CTNNA3: variants seen among roughly 807,000 people sequenced by gnomAD.
CTNNA3 encodes the protein catenin alpha 3.
A neutral mutation model predicts 95.7 loss-of-function variants in CTNNA3; 76 were observed. That is an observed-to-expected ratio of 0.79 (90% CI 0.66 to 0.96). The LOEUF is 0.96. Ranked by LOEUF, CTNNA3 falls within the 40% of genes least tolerant of loss-of-function variation. The pLI, the probability that CTNNA3 is intolerant of heterozygous loss-of-function variation, is 0.00. For synonymous variants in CTNNA3, 431 were observed against 374.4 expected (o/e 1.15, Z -1.74); for missense variants, 1,191 against 1,089.8 (o/e 1.09, Z -1.31).
intron 7 of CTNNA3, among the ~76,000 whole-genome samples, chr10:67,009,813 C>T (rs1277277867): frequency 3.3e-5 from 5 of 152,274 alleles, no homozygotes; most frequent in African/African-American, 9.6e-5. Context: ...TCACACCTCT[C>T]CATCTGGAGT....
intron 5 of CTNNA3, among the ~76,000 whole-genome samples, chr10:67,492,620 G>A (rs573715088): frequency 3.3e-5 from 5 of 152,312 alleles, no homozygotes; most frequent in South Asian, 2.1e-4. Context: ...ATGAAGAGGC[G>A]AAAGTCTACA....
intron 2 of CTNNA3, among the ~76,000 whole-genome samples, chr10:67,610,365 T>G (rs1413934528): frequency 6.6e-6 from 1 of 152,246 alleles, no homozygotes; most frequent in East Asian, 1.9e-4. Flanking sequence ...TTATTCACTT[T>G]TATAAGTTGT....
intron 7 of CTNNA3, among the ~76,000 whole-genome samples, chr10:66,783,773 T>G (rs1840634536): frequency 6.6e-6 from 1 of 152,142 alleles, no homozygotes; most frequent in South Asian, 2.1e-4. Flanking sequence ...TTCTGGCAAT[T>G]TTTCTGTCTC....
intron 7 of CTNNA3, among the ~76,000 whole-genome samples, chr10:67,074,259 C>T (rs1287332378): frequency 2.7e-5 from 4 of 150,354 alleles, no homozygotes; most frequent in Non-Finnish European, 4.4e-5. Context: ...CTTGATCTCT[C>T]GACCTCATGA....
rs59722608 is a variant in CTNNA3, at chr10:66,322,855, T to C, written c.1733-42234A>G. 9.0e-3 allele frequency among the ~76,000 whole-genome samples: 1,366 copies of C among 152,060 alleles called. 12 individuals carry two copies. The highest frequency in any genetic ancestry group is 0.026 in the African/African-American group (1,097 of 41,532). ...ACTAGATACACCGCTCCCCAGGGCA[T>C]TGTGAGGGAGCAGAGAGCTGCTTTT... On this transcript the variant is annotated intron_variant, in intron 12 of 17. Transcript: ENST00000433211.
chr10:65,993,800 A>G (rs182191524), intron 15 of CTNNA3, among the ~76,000 whole-genome samples: 4 of 152,268 alleles, frequency 2.6e-5, no homozygotes, highest in Admixed American at 1.3e-4. Flanking sequence ...CAGTGGCACA[A>G]TCTCAGCTCA....
At chr10:66,858,511 C>T (rs6480226) in intron 7 of CTNNA3, among the ~76,000 whole-genome samples, 9 of 151,800 alleles carry the variant, frequency 5.9e-5, no homozygotes, top group South Asian at 2.1e-4. Context: ...GGTACAATTC[C>T]GCTGTGAATT....
intron 13 of CTNNA3, among the ~76,000 whole-genome samples, chr10:66,163,531 C>T (rs1015673905): frequency 1.3e-5 from 2 of 152,144 alleles, no homozygotes; most frequent in Non-Finnish European, 2.9e-5. Flanking sequence ...TTTCCCACTT[C>T]TTCAGTTAGG....
chr10:67,047,547 A>C (rs1854830917), intron 7 of CTNNA3, among the ~76,000 whole-genome samples: 1 of 152,116 alleles, frequency 6.6e-6, no homozygotes, highest in Admixed American at 6.6e-5. Context: ...TTGTCTGACC[A>C]CTTATCTACC....
At chr10:66,062,221 AT>A (rs1441459300) in intron 15 of CTNNA3, among the ~76,000 whole-genome samples, 1 of 152,182 alleles carries the variant, frequency 6.6e-6, no homozygotes, top group Non-Finnish European at 1.5e-5. Context: ...TCTTTTATTA[AT>A]AAAATAATAT....
At chr10:66,879,353 C>T (rs534685071) in intron 7 of CTNNA3, among the ~76,000 whole-genome samples, 1 of 152,246 alleles carries the variant, frequency 6.6e-6, no homozygotes, top group South Asian at 2.1e-4. Flanking sequence ...CATCTTAAGA[C>T]TTCTAAGCCA....
chr10:66,706,125 G>A (rs1451393291), intron 9 of CTNNA3, among the ~76,000 whole-genome samples: 1 of 151,992 alleles, frequency 6.6e-6, no homozygotes, highest in African/African-American at 2.4e-5. Context: ...TCAGTGTGCA[G>A]TAGAAACAAG....
intron 13 of CTNNA3, among the ~76,000 whole-genome samples, chr10:66,224,259 TCTC>T (rs781743171): frequency 8.5e-5 from 13 of 152,110 alleles, no homozygotes; most frequent in African/African-American, 2.7e-4. Flanking sequence ...ATATAAACAA[TCTC>T]CTACTGGTTC....
At chr10:67,513,872 G>A (rs1839720787) in intron 5 of CTNNA3, among the ~76,000 whole-genome samples, 2 of 152,150 alleles carry the variant, frequency 1.3e-5, no homozygotes, top group East Asian at 1.9e-4. Context: ...CAGATACCAA[G>A]GATCAATAGA....
chr10:65,975,052 T>C (rs2078184944), intron 16 of CTNNA3, among the ~76,000 whole-genome samples: 2 of 152,174 alleles, frequency 1.3e-5, no homozygotes, highest in African/African-American at 2.4e-5. Flanking sequence ...GAGGTACTTA[T>C]CGTCTTATAT....
chr10:66,419,195 AT>A (rs1007766045), intron 11 of CTNNA3, among the ~76,000 whole-genome samples: 6 of 152,200 alleles, frequency 3.9e-5, no homozygotes, highest in East Asian at 1.9e-4. Flanking sequence ...CAAAATCAAC[AT>A]TTTTTTAAAG....
chr10:66,904,071 G>T (rs1421982837), intron 7 of CTNNA3, among the ~76,000 whole-genome samples: 1 of 152,108 alleles, frequency 6.6e-6, no homozygotes, highest in Non-Finnish European at 1.5e-5. Context: ...GCATAGCCAA[G>T]ATAATCCTAA....
At chr10:66,624,572 T>C (rs1339055929) in intron 9 of CTNNA3, among the ~76,000 whole-genome samples, 2 of 152,062 alleles carry the variant, frequency 1.3e-5, no homozygotes, top group Admixed American at 1.3e-4. Flanking sequence ...AACTCAGTAG[T>C]AGGCTGGGGT....
intron 7 of CTNNA3, chr10:67,098,002 G>T: frequency 1.8e-6 from 1 of 568,712 alleles, no homozygotes; most frequent in Non-Finnish European, 3.1e-6. Context: ...AAGTTGTGCA[G>T]TATTTTTTGA....
Sources: allele counts gnomAD v4.1 joint callset (sites outside exome capture counted in the v4.1 genomes callset), GRCh38; gene constraint gnomAD v4.1.1; transcripts MANE v1.5; gene names NCBI Gene and HGNC (gene_info 2026-07-23, HGNC 2026-07-21).